Variants in TAS2R1 observed in about 807,000 individuals in gnomAD.
TAS2R1 encodes the protein taste 2 receptor member 1.
For missense variants in TAS2R1, 370 were observed against 353.4 expected (o/e 1.05, Z -0.38); for synonymous variants, 141 against 134.2 (o/e 1.05, Z -0.35).
rs149845237 is a variant in TAS2R1, at chr5:9,671,310, A to C, written c.-241-11729T>G. On this transcript the variant is annotated intron_variant, in intron 1 of 2. Coordinates refer to the TAS2R1 transcript ENST00000506620. ...TAGCCAGAAAAATCAGGCAAGAGAA[A>C]TAAAGAAAAGCCATCCAAATAGGAA... 1.7e-4 allele frequency among the ~76,000 whole-genome samples: 26 copies of C among 152,332 alleles called. No homozygotes were observed. In the East Asian group the frequency reaches 4.8e-3, roughly 28 times the overall value.
At chr5:9,796,235 C>G in the TAS2R1 span, among the ~76,000 whole-genome samples, 1 of 152,206 alleles carries the variant, frequency 6.6e-6, no homozygotes, top group East Asian at 1.9e-4. Context: ...CACAAAAATG[C>G]TTGCTAAACA....
chr5:9,754,114 A>C, the TAS2R1 span, among the ~76,000 whole-genome samples: 1 of 152,258 alleles, frequency 6.6e-6, no homozygotes. Flanking sequence ...TATGCAAATC[A>C]ATAAACGTAA....
chr5:9,844,486 G>A, the TAS2R1 span, among the ~76,000 whole-genome samples: 45 of 152,200 alleles, frequency 3.0e-4, no homozygotes, highest in Middle Eastern at 3.4e-3. Flanking sequence ...CAATTTAAGC[G>A]TGATTTCCTA....
chr5:9,719,703 C>T, the TAS2R1 span, among the ~76,000 whole-genome samples: 448 of 151,916 alleles, frequency 2.9e-3, 7 homozygotes, highest in Middle Eastern at 3.4e-3. Flanking sequence ...CCGAGGCGGG[C>T]GGATCACGAG....
At chr5:9,806,247 C>T in the TAS2R1 span, among the ~76,000 whole-genome samples, 63 of 151,890 alleles carry the variant, frequency 4.1e-4, no homozygotes, top group Non-Finnish European at 8.1e-4. Context: ...TGAAAGAAAT[C>T]GTAGATAACA....
At chr5:9,660,855 G>A (rs1740518716) in intron 1 of TAS2R1, among the ~76,000 whole-genome samples, 2 of 152,180 alleles carry the variant, frequency 1.3e-5, no homozygotes, top group Admixed American at 1.3e-4. Flanking sequence ...CTGTGAGGTA[G>A]GAACCACATG....
chr5:9,817,613 G>A, the TAS2R1 span, among the ~76,000 whole-genome samples: 3 of 152,110 alleles, frequency 2.0e-5, no homozygotes, highest in African/African-American at 7.2e-5. Flanking sequence ...GAATTTTCTT[G>A]TATGTGAATA....
chr5:9,644,183 C>T, intron 2 of TAS2R1, among the ~76,000 whole-genome samples: 1 of 152,150 alleles, frequency 6.6e-6, no homozygotes, highest in East Asian at 1.9e-4. Context: ...TATCCTACAA[C>T]ATTTACTCTG....
chr5:9,678,692 A>G lies in TAS2R1; in HGVS notation c.-241-19111T>C, dbSNP rs182294432. ...AAACTAACACAGGAACAGAAAATCA[A>G]ACACCGCATGTTCTCACTTACAAAC... is the stretch of plus-strand genomic sequence containing the variant. On this transcript the variant is annotated intron_variant, in intron 1 of 2. Transcript: ENST00000506620. Among the ~76,000 whole-genome samples, 4 of 152,332 alleles carry G rather than the reference A, an allele frequency of 2.6e-5. No individual in the cohort carries two copies. The East Asian group carries it at 7.7e-4, about 29-fold the overall frequency.
At chr5:9,715,131 G>A (rs939232593), upstream of TAS2R1, among the ~76,000 whole-genome samples, 1 of 152,188 alleles carries the variant, frequency 6.6e-6, no homozygotes, top group African/African-American at 2.4e-5. Context: ...TTGCTCCCCA[G>A]CACAGCCAGT....
the TAS2R1 span, among the ~76,000 whole-genome samples, chr5:9,868,855 G>A: frequency 6.6e-6 from 1 of 152,204 alleles, no homozygotes; most frequent in Non-Finnish European, 1.5e-5. Context: ...AGATCTCTAG[G>A]GCAGGGGCAA....
At chr5:9,829,091 G>A in the TAS2R1 span, among the ~76,000 whole-genome samples, 1 of 152,316 alleles carries the variant, frequency 6.6e-6, no homozygotes, top group South Asian at 2.1e-4. Flanking sequence ...CAGCTGTGTT[G>A]AGAACTTGAA....
intron 1 of TAS2R1, among the ~76,000 whole-genome samples, chr5:9,664,628 C>T (rs1046974654): frequency 6.6e-6 from 1 of 152,174 alleles, no homozygotes; most frequent in African/African-American, 2.4e-5. Flanking sequence ...TTCTATGTAA[C>T]ATGTGACAGG....
intron 1 of TAS2R1, among the ~76,000 whole-genome samples, chr5:9,695,287 T>G (rs1741335131): frequency 6.6e-6 from 1 of 152,150 alleles, no homozygotes; most frequent in African/African-American, 2.4e-5. Flanking sequence ...AATTCCCTTC[T>G]CAATAAAATA....
chr5:9,860,204 G>A, the TAS2R1 span, among the ~76,000 whole-genome samples: 1 of 152,228 alleles, frequency 6.6e-6, no homozygotes, highest in South Asian at 2.1e-4. Flanking sequence ...AGAAACAGGT[G>A]TCAATGCTTG....
the TAS2R1 span, among the ~76,000 whole-genome samples, chr5:9,796,750 A>G: frequency 4.0e-5 from 6 of 151,522 alleles, no homozygotes; most frequent in Non-Finnish European, 7.4e-5. Context: ...GAAAAGAAAA[A>G]AAAAAAGAAA....
the TAS2R1 span, among the ~76,000 whole-genome samples, chr5:9,819,359 C>A: frequency 1.3e-5 from 2 of 152,220 alleles, no homozygotes; most frequent in Non-Finnish European, 2.9e-5. Context: ...AGATCCATTA[C>A]ATGCGAGCTT....
the TAS2R1 span, among the ~76,000 whole-genome samples, chr5:9,818,846 C>T: frequency 5.7e-4 from 87 of 152,284 alleles, no homozygotes; most frequent in African/African-American, 1.9e-3. Context: ...TGCTTGGAAG[C>T]AACCTACCGC....
At chr5:9,746,314 G>T in the TAS2R1 span, among the ~76,000 whole-genome samples, 3 of 152,186 alleles carry the variant, frequency 2.0e-5, no homozygotes, top group African/African-American at 4.8e-5. Context: ...TTACACTATT[G>T]CTGGGAATGT....
Sources: allele counts gnomAD v4.1 joint callset (sites outside exome capture counted in the v4.1 genomes callset), GRCh38; gene constraint gnomAD v4.1.1; transcripts MANE v1.5; gene names NCBI Gene and HGNC (gene_info 2026-07-23, HGNC 2026-07-21).